LRRIQ4: variants seen among roughly 807,000 people sequenced by gnomAD.
The protein encoded by LRRIQ4 is leucine-rich repeat and IQ domain-containing protein 4.
In LRRIQ4, 21 loss-of-function variants were observed where a neutral mutation model predicts 40.1. The ratio of observed to expected loss-of-function variants is 0.52; its 90% CI spans 0.37 to 0.75. The LOEUF is 0.75. Ranked by LOEUF, LRRIQ4 falls within the 30% of genes least tolerant of loss-of-function variation. The pLI is 0.00. For missense variants in LRRIQ4, 655 were observed against 660.0 expected, an observed-to-expected ratio of 0.99 and a Z score of 0.08; for synonymous variants, 277 against 277.1, an observed-to-expected ratio of 1.00 and a Z score of 0.00.
intron 5 of LRRIQ4, among the ~76,000 whole-genome samples, chr3:169,837,134 T>C (rs1338694794): frequency 2.0e-5 from 3 of 152,164 alleles, no homozygotes; most frequent in Middle Eastern, 3.2e-3. Flanking sequence ...GCGGTCACTC[T>C]CCATAGCACT....
At chr3:169,822,994 C>T (rs1779950499) in intron 2 of LRRIQ4, 53 bp downstream of exon 2, 2 of 1,433,944 alleles carry the variant, frequency 1.4e-6, no homozygotes, top group Non-Finnish European at 1.8e-6. Context: ...GTCCTTCCTG[C>T]CCTAAGTTGG....
chr3:169,830,395 A>AAAAAAAAAAAAAAAAAAAAAAT (rs1780138066), intron 3 of LRRIQ4, 97 bp from the exon 4 acceptor site: 1 of 471,810 alleles, frequency 2.1e-6, no homozygotes, highest in Non-Finnish European at 3.1e-6. Context: ...AAAAAAAAAA[A>AAAAAAAAAAAAAAAAAAAAAAT]AAAAAAAAAA....
chr3:169,827,628 A>AG (rs1780070893), intron 2 of LRRIQ4, among the ~76,000 whole-genome samples: 1 of 151,072 alleles, frequency 6.6e-6, no homozygotes, highest in South Asian at 2.1e-4. Context: ...AAAAAAAAAA[A>AG]AAGAGATTTT....
At chr3:169,826,360 C>T (rs1410539461) in intron 2 of LRRIQ4, among the ~76,000 whole-genome samples, 1 of 150,906 alleles carries the variant, frequency 6.6e-6, no homozygotes, top group Non-Finnish European at 1.5e-5. Context: ...CCATTGCCGT[C>T]CAGCCGAGGC....
At position 169,822,426 on chromosome 3, in the gene LRRIQ4, G is replaced by C; in HGVS notation, c.505G>C (p.Glu169Gln). The C allele has an allele frequency of 1.9e-6, 3 of 1,613,700 alleles. No individual in the cohort carries two copies. In the South Asian group the frequency reaches 3.3e-5, roughly 18 times the overall value. Residue 169 changes from glutamate (E) to glutamine (Q), a missense_variant, in exon 2 of 6, where the codon GAG (glutamate) becomes CAG (glutamine). By Grantham distance (29) the Glu-to-Gln change is conservative (BLOSUM62 2). Transcript: ENST00000340806. Reference sequence around the variant, plus strand: ...AATAGTGAACCAGACCAAGCTGAGGGAGATCTACCTGAAGCGAAACCAGTT... The same window carrying C: ...AATAGTGAACCAGACCAAGCTGAGGCAGATCTACCTGAAGCGAAACCAGTT... ...KEIVNQTKLR[E>Q]IYLKRNQFEV...
Position 169,830,476 on chromosome 3 carries a change from A to G in LRRIQ4, c.1195-16A>G. 1.3e-6 allele frequency: 2 copies of G among 1,542,950 alleles called. No homozygotes were observed. Among genetic ancestry groups the G allele is most frequent in the Non-Finnish European group, 1.8e-6 (2 of 1,135,916 alleles). ...TAATCAAGGTATATTATTATGGTAC[A>G]CTCATGTTATTTCAGAGTCTCAAAG... On this transcript the variant is annotated splice_polypyrimidine_tract_variant and intron_variant, in intron 3 of 5. Transcript: ENST00000340806.
intron 2 of LRRIQ4, among the ~76,000 whole-genome samples, chr3:169,826,692 T>C (rs1780047813): frequency 6.6e-6 from 1 of 152,182 alleles, no homozygotes; most frequent in Non-Finnish European, 1.5e-5. Context: ...TATAATAAAA[T>C]GGTTAGATTG....
chr3:169,821,856 T>C, intron 1 of LRRIQ4, 35 bp from the exon 2 acceptor site: 15 of 1,186,638 alleles, frequency 1.3e-5, no homozygotes, highest in Non-Finnish European at 1.7e-5. Flanking sequence ...GGCAGGTAAA[T>C]TCTATTTTTT....
chr3:169,837,230 C>G (rs2108189697), intron 5 of LRRIQ4, among the ~76,000 whole-genome samples: 1 of 152,344 alleles, frequency 6.6e-6, no homozygotes, highest in Non-Finnish European at 1.5e-5. Context: ...AAAGTTGAGA[C>G]AGTTATTTCT....
intron 2 of LRRIQ4, among the ~76,000 whole-genome samples, chr3:169,827,330 G>A (rs898723970): frequency 2.0e-5 from 3 of 151,978 alleles, no homozygotes; most frequent in Admixed American, 6.6e-5. Flanking sequence ...TTTTTTCGCC[G>A]GGTGCGGTGG....
chr3:169,830,692 A>T, intron 4 of LRRIQ4, 62 bp downstream of exon 4: 1 of 1,594,032 alleles, frequency 6.3e-7, no homozygotes, highest in South Asian at 1.1e-5. Flanking sequence ...CCTATGGCAA[A>T]TGGCTTCCTT....
chr3:169,833,223 G>A lies in LRRIQ4; in HGVS notation c.1530+40G>A, dbSNP rs747602106. The A allele has an allele frequency of 1.7e-5, 26 of 1,536,354 alleles. No individual in the cohort carries two copies. The East Asian group carries it at 5.8e-4, about 34-fold the overall frequency. On this transcript the variant is annotated intron_variant, in intron 5 of 5. Coordinates refer to ENST00000340806, the MANE Select transcript of LRRIQ4 (RefSeq NM_001080460.3). ...GATTCTTGATAACAGTTGCTTTAGA[G>A]GGAGTCTAATGGTAAACACAGTACA...
chr3:169,837,531 G>C lies in LRRIQ4; in HGVS notation c.1583G>C (p.Gly528Ala). 6.2e-7 allele frequency: 1 copy of C among 1,608,914 alleles called. No individual in the cohort carries two copies. The highest frequency in any genetic ancestry group is 1.1e-5 in the South Asian group (1 of 89,430). Residue 528 changes from glycine (G) to alanine (A), a missense_variant, in exon 6 of 6, where the codon GGT becomes GCT. Transcript: ENST00000340806. The stretch of plus-strand genomic sequence containing the variant: ...GTACAGAGAGGATTTGGGAAATTCG[G>C]TGAACTACTAAAACCACAAAAGAAA... Reference protein sequence around the residue: ...TMVQRGFGKFGELLKPQKKGK... With the variant: ...TMVQRGFGKFAELLKPQKKGK...
intron 3 of LRRIQ4, 64 bp downstream of exon 3, chr3:169,828,996 T>G: frequency 7.3e-7 from 1 of 1,376,186 alleles, no homozygotes; most frequent in South Asian, 1.3e-5. Flanking sequence ...TGGCTGAAAC[T>G]GAGAAAATAT....
chr3:169,820,458 A>G (rs1200151074), intron 1 of LRRIQ4, among the ~76,000 whole-genome samples: 1 of 149,384 alleles, frequency 6.7e-6, no homozygotes, highest in East Asian at 1.9e-4. Flanking sequence ...TCTACCAAAA[A>G]AGAAAAAAAA....
Position 169,828,829 on chromosome 3 carries a change from TTC to T in LRRIQ4, c.1092_1093del (p.Pro365GlyfsTer30). The T allele has an allele frequency of 6.2e-7, 1 of 1,613,942 alleles. No homozygotes were observed. The highest frequency in any genetic ancestry group is 1.1e-5 in the South Asian group (1 of 91,056). ...CTAACAGGAAATGAGTTCCTTTCCT[TTC>T]CGGAGGAAGTCCTTTCTTTAGCGTC... On this transcript the variant is annotated frameshift_variant, in exon 3 of 6. Transcript: ENST00000340806. LOFTEE classifies it high-confidence loss of function.
At chr3:169,825,110 C>T (rs150274846) in intron 2 of LRRIQ4, among the ~76,000 whole-genome samples, 5,230 of 151,182 alleles carry the variant, frequency 0.035, 228 homozygotes, top group South Asian at 0.11. Flanking sequence ...CAGGTTCAAG[C>T]GATTCTCCTT....
At chr3:169,819,068 A>G (rs184778814) in intron 1 of LRRIQ4, among the ~76,000 whole-genome samples, 2 of 152,374 alleles carry the variant, frequency 1.3e-5, no homozygotes, top group East Asian at 1.9e-4. Flanking sequence ...TGAAGATGTA[A>G]CAATTATTTA....
intron 4 of LRRIQ4, 81 bp downstream of exon 4, chr3:169,830,711 A>G (rs1004730826): frequency 2.2e-5 from 33 of 1,527,076 alleles, no homozygotes; most frequent in Non-Finnish European, 9.0e-7. Flanking sequence ...TTGCTTTGCT[A>G]AAGACCTATC....
Sources: allele counts gnomAD v4.1 joint callset (sites outside exome capture counted in the v4.1 genomes callset), GRCh38; gene constraint gnomAD v4.1.1; transcripts MANE v1.5; gene names NCBI Gene and HGNC (gene_info 2026-07-23, HGNC 2026-07-21).